Variants in NUP107 observed in about 807,000 individuals in gnomAD.
The protein encoded by NUP107 is nucleoporin 107.
In NUP107, 101 loss-of-function variants were observed where a neutral mutation model predicts 141.0. That is an observed-to-expected ratio of 0.72 (90% CI 0.61 to 0.84). NUP107 has a LOEUF of 0.84. NUP107 is among the 40% of genes least tolerant of loss of function. The pLI is 0.00. For missense variants in NUP107, 941 were observed against 1,102.7 expected (o/e 0.85, Z 2.08); for synonymous variants, 319 against 363.9 (o/e 0.88, Z 1.41).
intron 26 of NUP107, among the ~76,000 whole-genome samples, chr12:68,737,220 A>G (rs1592524638): frequency 6.6e-6 from 1 of 152,306 alleles, no homozygotes; most frequent in Non-Finnish European, 1.5e-5. Flanking sequence ...CTAATTATTA[A>G]TTAAGTAGAT....
chr12:68,689,801 C>G (rs1169654385), intron 3 of NUP107, 182 bp downstream of exon 3: 1 of 516,322 alleles, frequency 1.9e-6, no homozygotes, highest in Non-Finnish European at 3.4e-6. Flanking sequence ...TCCATAAACA[C>G]ACGGTAACTA....
chr12:68,710,125 C>T lies in NUP107; in HGVS notation c.890+32C>T. 4.6e-6 allele frequency: 5 copies of T among 1,084,096 alleles called. No homozygotes were observed. The African/African-American group carries it at 6.2e-5, about 14-fold the overall frequency. The allele number at this position is 1,084,096 out of a possible 1,614,324, so 67.2% of individuals were successfully genotyped here. A position where few individuals can be genotyped will look rare whatever the true frequency, so the allele number is the denominator to read the frequency against. Reference sequence around the variant, plus strand: ...TACCAAACTTTAATTCTTAAGGTCACTCAATGTTGATATTGTTCATTCATC... The same window carrying T: ...TACCAAACTTTAATTCTTAAGGTCATTCAATGTTGATATTGTTCATTCATC... On this transcript the variant is annotated intron_variant, in intron 10 of 27. Coordinates refer to ENST00000229179, the MANE Select transcript of NUP107 (RefSeq NM_020401.4).
In NUP107 at chr12:68,722,271, A is replaced by G. The variant is rs1877387164; in HGVS notation, c.1506+119A>G. On this transcript the variant is annotated intron_variant, in intron 17 of 27. Coordinates refer to ENST00000229179, the MANE Select transcript of NUP107 (RefSeq NM_020401.4). ...TCCCTTTTTCTCACCTATTAAAATA[A>G]GAATCATTCTTTGAAACGAAGAAAC... The G allele has an allele frequency of 1.5e-5, 11 of 758,066 alleles. 1 individual carries two copies. In the South Asian group the frequency reaches 2.7e-4, roughly 19 times the overall value. 47.0% of individuals were successfully genotyped at this position (758,066 alleles called of 1,614,324 possible). A position where few individuals can be genotyped will look rare whatever the true frequency, so the allele number is the denominator to read the frequency against.
intron 26 of NUP107, among the ~76,000 whole-genome samples, chr12:68,736,834 T>G (rs959046602): frequency 6.6e-6 from 1 of 150,780 alleles, no homozygotes; most frequent in African/African-American, 2.4e-5. Context: ...CCCAAGTAGC[T>G]GGGATTACAG....
chr12:68,706,219 C>A (rs2136013952), intron 8 of NUP107: 1 of 767,762 alleles, frequency 1.3e-6, no homozygotes, highest in South Asian at 1.3e-5. Flanking sequence ...AATTTGTCCT[C>A]ATCAAGAAGG....
rs1249105214 is a variant in NUP107, at chr12:68,745,701, T to A, written c.*3239T>A. On this transcript the variant is annotated 3_prime_UTR_variant, in exon 28 of 28. Coordinates refer to ENST00000229179, the MANE Select transcript of NUP107 (RefSeq NM_020401.4). Reference sequence around the variant, plus strand: ...TTCTCACTGTTGAGCTAATAATGCTTTGTGAATGTATGATCTAAGGAGAAA... The same window carrying A: ...TTCTCACTGTTGAGCTAATAATGCTATGTGAATGTATGATCTAAGGAGAAA... The A allele has an allele frequency of 1.3e-5, 2 of 152,260 alleles. No homozygotes were observed. The highest frequency in any genetic ancestry group is 2.9e-5 in the Non-Finnish European group (2 of 68,042). 9.4% of individuals were successfully genotyped at this position (152,260 alleles called of 1,614,324 possible). A position where few individuals can be genotyped will look rare whatever the true frequency, so the allele number is the denominator to read the frequency against.
In NUP107 at chr12:68,725,730, G is replaced by T; in HGVS notation, c.1510G>T (p.Val504Phe). 1 of 1,508,474 alleles carries T rather than the reference G, an allele frequency of 6.6e-7. No individual in the cohort carries two copies. 93.4% of individuals were successfully genotyped at this position (1,508,474 alleles called of 1,614,324 possible). ...AAATTAAAAACTTTTTTTTCAGAGAGTTCTGGAAGAGAATCAAGAACATTA... is the reference window on the plus strand; with the variant it reads ...AAATTAAAAACTTTTTTTTCAGAGATTTCTGGAAGAGAATCAAGAACATTA... Reference protein sequence around the residue: ...EELQATDKKRVLEENQEHYHI... With the variant: ...EELQATDKKRFLEENQEHYHI... Residue 504 changes from valine to phenylalanine, a missense_variant, in exon 18 of 28, where the codon GTT (valine) becomes TTT (phenylalanine). Val to Phe is a conservative substitution (Grantham distance 50). Transcript: ENST00000229179.
intron 12 of NUP107, among the ~76,000 whole-genome samples, chr12:68,716,103 C>T (rs1426180242): frequency 1.3e-5 from 2 of 151,330 alleles, no homozygotes; most frequent in South Asian, 2.1e-4. Context: ...TGTTGCCCAG[C>T]GTAATCTCAA....
At chr12:68,693,424 G>C (rs200339107) in intron 5 of NUP107, among the ~76,000 whole-genome samples, 1 of 152,046 alleles carries the variant, frequency 6.6e-6, no homozygotes, top group East Asian at 1.9e-4. Flanking sequence ...GACCAGCCCA[G>C]GCTGGTCTCA....
intron 26 of NUP107, among the ~76,000 whole-genome samples, chr12:68,737,066 C>T (rs1345187694): frequency 6.6e-6 from 1 of 152,208 alleles, no homozygotes; most frequent in Non-Finnish European, 1.5e-5. Flanking sequence ...AAACCTTCCA[C>T]AGGTTCCTCT....
chr12:68,719,130 G>A (rs892630156), intron 12 of NUP107, among the ~76,000 whole-genome samples: 3 of 152,168 alleles, frequency 2.0e-5, no homozygotes, highest in Non-Finnish European at 4.4e-5. Context: ...CTCAGGTGAT[G>A]CACTTGCCTT....
rs1383481239 is a variant in NUP107 at position 68,696,893 on chromosome 12, G to A, written c.523G>A (p.Glu175Lys). ...TTCGAGTACAGTTTTTGATCTTGTG[G>A]AAGAGTATGAAAACATCTGTGGTAG... is the stretch of plus-strand genomic sequence containing the variant. ...HSSSTVFDLV[E>K]EYENICGSQV... Residue 175 changes from glutamate (E) to lysine (K), a missense_variant, in exon 6 of 28, where the codon GAA becomes AAA. Coordinates refer to ENST00000229179, the MANE Select transcript of NUP107 (RefSeq NM_020401.4). The A allele has an allele frequency of 1.2e-6, 2 of 1,608,976 alleles. No individual in the cohort carries two copies. Among genetic ancestry groups the A allele is most frequent in the Non-Finnish European group, 1.7e-6 (2 of 1,177,448 alleles).
intron 26 of NUP107, among the ~76,000 whole-genome samples, chr12:68,737,550 G>C (rs1036727225): frequency 8.8e-6 from 1 of 113,054 alleles, no homozygotes; most frequent in Non-Finnish European, 1.7e-5. Flanking sequence ...GACAGAGTGA[G>C]ACCCTGTCTC....
chr12:68,702,693 C>G (rs761883392), intron 7 of NUP107, 43 bp from the exon 8 acceptor site: 3 of 1,362,724 alleles, frequency 2.2e-6, no homozygotes, highest in Admixed American at 4.7e-5. Context: ...TCATTATATT[C>G]GTGTGAAATA....
At chr12:68,722,206 T>C in intron 17 of NUP107, 54 bp downstream of exon 17, 1 of 1,429,064 alleles carries the variant, frequency 7.0e-7, no homozygotes, top group Non-Finnish European at 9.7e-7. Flanking sequence ...AGTGTTATTC[T>C]ATTGTGCACT....
At chr12:68,719,782 A>G in intron 14 of NUP107, 128 bp downstream of exon 14, 1 of 686,408 alleles carries the variant, frequency 1.5e-6, no homozygotes, top group Non-Finnish European at 2.6e-6. Flanking sequence ...AAATTGAGGA[A>G]TAGGCTTAAC....
intron 17 of NUP107, 136 bp downstream of exon 17, chr12:68,722,288 C>A: frequency 1.5e-6 from 1 of 667,636 alleles, no homozygotes; most frequent in Non-Finnish European, 2.4e-6. Context: ...TTCTTTGAAA[C>A]GAAGAAACTT....
intron 20 of NUP107, among the ~76,000 whole-genome samples, chr12:68,728,002 G>T (rs998741824): frequency 2.6e-5 from 4 of 152,138 alleles, no homozygotes; most frequent in African/African-American, 9.7e-5. Flanking sequence ...ATCATAAGGG[G>T]CTCGGCGAGG....
In NUP107 at chr12:68,721,854, G is replaced by T; in HGVS notation, c.1325G>T (p.Cys442Phe). 1 of 1,613,006 alleles carries T rather than the reference G, an allele frequency of 6.2e-7. No individual in the cohort carries two copies. The highest frequency in any genetic ancestry group is 8.5e-7 in the Non-Finnish European group (1 of 1,179,724). The change falls in exon 16 of 28, where the codon TGT (cysteine) becomes TTT (phenylalanine). Residue 442 changes from cysteine (C) to phenylalanine (F), a missense_variant. Transcript: ENST00000229179. ...SGNLKQLLPV[C>F]DTWEDTVWAY... ...ATGGGGAAAAAGCTGCTTCCTGTCT[G>T]TGACACCTGGGAAGACACAGTTTGG...
Sources: gnomAD v4.1 joint callset for allele counts (sites outside exome capture counted in the v4.1 genomes callset) on GRCh38, gnomAD v4.1.1 for gene constraint, MANE v1.5 for transcripts, NCBI Gene and HGNC (gene_info 2026-07-23, HGNC 2026-07-21) for gene names.